Variants in LRRC4C observed in about 807,000 individuals in gnomAD.
LRRC4C encodes leucine-rich repeat-containing protein 4C.
LRRC4C carries 5 observed loss-of-function variants against 33.6 expected under a neutral mutation model. The observed-to-expected ratio is 0.15, with a 90% confidence interval of 0.08 to 0.31. LRRC4C has a LOEUF of 0.31. Ranked by LOEUF, LRRC4C falls within the 10% of genes least tolerant of loss-of-function variation. The pLI is 1.00. For synonymous variants in LRRC4C, 329 were observed against 302.0 expected, an observed-to-expected ratio of 1.09 and a Z score of -0.93; for missense variants, 560 against 796.7, an observed-to-expected ratio of 0.70 and a Z score of 3.58.
chr11:40,798,013 G>C (rs1950899903), intron 2 of LRRC4C, among the ~76,000 whole-genome samples: 1 of 152,142 alleles, frequency 6.6e-6, no homozygotes, highest in Non-Finnish European at 1.5e-5. Flanking sequence ...CGCAACTAGA[G>C]GTTGAACAGT....
At chr11:41,314,421 G>T (rs1487289828) in intron 1 of LRRC4C, among the ~76,000 whole-genome samples, 1 of 152,174 alleles carries the variant, frequency 6.6e-6, no homozygotes, top group African/African-American at 2.4e-5. Flanking sequence ...ATTCAAGATT[G>T]ATATGATAAT....
intron 4 of LRRC4C, among the ~76,000 whole-genome samples, chr11:40,300,883 C>T (rs1944741876): frequency 6.6e-6 from 1 of 152,182 alleles, no homozygotes; most frequent in South Asian, 2.1e-4. Flanking sequence ...CTCACTACAG[C>T]CTGGAACTCC....
chr11:40,211,994 T>A (rs770200139), intron 5 of LRRC4C, among the ~76,000 whole-genome samples: 4 of 152,200 alleles, frequency 2.6e-5, no homozygotes, highest in Non-Finnish European at 4.4e-5. Context: ...GACTTCTCCA[T>A]GGGACAGAAT....
rs529896423 is a variant in LRRC4C, at chr11:41,225,601, C to T, written c.-496+233830G>A. Among the ~76,000 whole-genome samples, 8 of 152,172 alleles carry T rather than the reference C, an allele frequency of 5.3e-5. No individual in the cohort carries two copies. In the South Asian group the frequency reaches 6.2e-4, roughly 12 times the overall value. ...ATTGCTTGAGCCCAGGAGTTCGAGA[C>T]TAGCCTGGGCAACATAGTAAGACCC... is the stretch of plus-strand genomic sequence containing the variant. On this transcript the variant is annotated intron_variant, in intron 1 of 6. Coordinates refer to ENST00000528697, the MANE Select transcript of LRRC4C (RefSeq NM_001258419.2).
chr11:41,403,635 G>T (rs1954108378), intron 1 of LRRC4C, among the ~76,000 whole-genome samples: 1 of 151,992 alleles, frequency 6.6e-6, no homozygotes, highest in South Asian at 2.1e-4. Context: ...AACAAATTTG[G>T]GTTGCCGACA....
chr11:40,140,420 A>G (rs1002728043), intron 6 of LRRC4C, among the ~76,000 whole-genome samples: 1 of 152,278 alleles, frequency 6.6e-6, no homozygotes, highest in African/African-American at 2.4e-5. Flanking sequence ...AGTTCTGTCC[A>G]TGAGCCACCA....
chr11:40,997,246 T>C (rs1274480547), intron 1 of LRRC4C, among the ~76,000 whole-genome samples: 2 of 151,882 alleles, frequency 1.3e-5, no homozygotes, highest in Non-Finnish European at 2.9e-5. Flanking sequence ...AGGATACAAA[T>C]GGAACTCCAG....
At chr11:41,049,918 C>A (rs917112097) in intron 1 of LRRC4C, among the ~76,000 whole-genome samples, 1 of 152,054 alleles carries the variant, frequency 6.6e-6, no homozygotes, top group East Asian at 1.9e-4. Flanking sequence ...AGGTGACACT[C>A]AGTAAACAAT....
chr11:40,416,887 G>A (rs1226557873), intron 3 of LRRC4C, among the ~76,000 whole-genome samples: 1 of 152,158 alleles, frequency 6.6e-6, no homozygotes, highest in South Asian at 2.1e-4. Flanking sequence ...TATACAATAA[G>A]CTCTCAGTAT....
At chr11:41,276,139 G>A (rs2136886986) in intron 1 of LRRC4C, among the ~76,000 whole-genome samples, 1 of 152,262 alleles carries the variant, frequency 6.6e-6, no homozygotes, top group East Asian at 1.9e-4. Context: ...CTTAAATTTA[G>A]CTCTAACAAA....
intron 1 of LRRC4C, among the ~76,000 whole-genome samples, chr11:41,110,644 C>G (rs181289994): frequency 6.6e-6 from 1 of 151,882 alleles, no homozygotes; most frequent in African/African-American, 2.4e-5. Flanking sequence ...TTTATTGTTA[C>G]GTTTTGCAAG....
At chr11:40,830,134 A>G (rs2135538446) in intron 2 of LRRC4C, among the ~76,000 whole-genome samples, 1 of 152,178 alleles carries the variant, frequency 6.6e-6, no homozygotes, top group East Asian at 1.9e-4. Context: ...TGATGTGACC[A>G]AAACACCAAA....
intron 3 of LRRC4C, among the ~76,000 whole-genome samples, chr11:40,623,622 C>T (rs894198707): frequency 3.3e-5 from 5 of 152,052 alleles, no homozygotes; most frequent in Non-Finnish European, 5.9e-5. Context: ...AAATTAATTT[C>T]TTCTGCTAAT....
intron 5 of LRRC4C, among the ~76,000 whole-genome samples, chr11:40,229,042 G>A (rs1251127674): frequency 7.2e-5 from 11 of 152,052 alleles, no homozygotes; most frequent in Non-Finnish European, 1.6e-4. Flanking sequence ...CTTTTACAAA[G>A]GGAGGGAAAA....
chr11:41,284,054 A>G (rs1357427436), intron 1 of LRRC4C, among the ~76,000 whole-genome samples: 2 of 152,220 alleles, frequency 1.3e-5, no homozygotes, highest in South Asian at 2.1e-4. Flanking sequence ...AAAACACTAG[A>G]TAAAATTGTA....
In LRRC4C at chr11:40,205,346, A is replaced by G. The variant is rs577412517; in HGVS notation, c.-96+36173T>C. 7.9e-5 allele frequency among the ~76,000 whole-genome samples: 12 copies of G among 152,342 alleles called. No homozygotes were observed. The South Asian group carries it at 2.5e-3, about 32-fold the overall frequency. On this transcript the variant is annotated intron_variant, in intron 5 of 6. Transcript: ENST00000528697. ...CTTTCAGTAATGTTTTCTTAACCCT[A>G]TAAATAAAAGCAATCTATGTGAGGT... is the stretch of plus-strand genomic sequence containing the variant.
intron 2 of LRRC4C, among the ~76,000 whole-genome samples, chr11:40,661,872 T>C (rs551806814): frequency 7.1e-4 from 108 of 152,052 alleles, no homozygotes; most frequent in Non-Finnish European, 2.5e-4. Flanking sequence ...AACCCCCAAC[T>C]CTAAACCCCA....
chr11:41,313,354 G>C (rs1186574987), intron 1 of LRRC4C, among the ~76,000 whole-genome samples: 2 of 152,150 alleles, frequency 1.3e-5, no homozygotes, highest in Admixed American at 1.3e-4. Context: ...GCTTCTGTCT[G>C]GCCAGATGTC....
intron 1 of LRRC4C, among the ~76,000 whole-genome samples, chr11:41,223,979 C>G (rs763158072): frequency 6.6e-6 from 1 of 152,094 alleles, no homozygotes; most frequent in Admixed American, 6.6e-5. Flanking sequence ...GTGTGCTGCC[C>G]CAAAGTACAA....
Sources: gnomAD v4.1 joint callset for allele counts (sites outside exome capture counted in the v4.1 genomes callset) on GRCh38, gnomAD v4.1.1 for gene constraint, MANE v1.5 for transcripts, NCBI Gene and HGNC (gene_info 2026-07-23, HGNC 2026-07-21) for gene names.